Variants in SIPA1L3 observed in about 807,000 individuals in gnomAD.
SIPA1L3 encodes signal induced proliferation associated 1 like 3.
In SIPA1L3, 59 loss-of-function variants were observed where a neutral mutation model predicts 150.1. That is an observed-to-expected ratio of 0.39 (90% CI 0.32 to 0.49). The LOEUF is 0.49. Among genes scored for constraint, SIPA1L3 ranks in the 20% least tolerant of loss-of-function variants. The pLI is 0.86. For missense variants in SIPA1L3, 2,211 were observed against 2,489.5 expected (o/e 0.89, Z 2.38); for synonymous variants, 1,070 against 1,077.6 (o/e 0.99, Z 0.14).
At chr19:37,999,001 A>C (rs745526039) in intron 1 of SIPA1L3, among the ~76,000 whole-genome samples, 8 of 151,538 alleles carry the variant, frequency 5.3e-5, no homozygotes, top group Non-Finnish European at 8.8e-5. Flanking sequence ...ACACACACAC[A>C]CACACACACA....
At chr19:37,991,317 G>A (rs1456572255) in intron 1 of SIPA1L3, among the ~76,000 whole-genome samples, 1 of 152,256 alleles carries the variant, frequency 6.6e-6, no homozygotes, top group Non-Finnish European at 1.5e-5. Flanking sequence ...CAGGCCATCT[G>A]GCTTCCAATT....
chr19:38,088,904 C>G, intron 4 of SIPA1L3, 53 bp downstream of exon 4: 1 of 1,593,688 alleles, frequency 6.3e-7, no homozygotes, highest in Non-Finnish European at 8.6e-7. Flanking sequence ...ACTCACATCT[C>G]GAGCCAGGTT....
At chr19:37,989,840 G>C (rs1254413794) in intron 1 of SIPA1L3, among the ~76,000 whole-genome samples, 6 of 151,910 alleles carry the variant, frequency 3.9e-5, no homozygotes, top group Non-Finnish European at 7.4e-5. Flanking sequence ...TGGCTAGGAT[G>C]AATTCTTTAA....
intron 1 of SIPA1L3, among the ~76,000 whole-genome samples, chr19:38,014,859 C>T (rs868808888): frequency 9.9e-5 from 15 of 151,932 alleles, no homozygotes; most frequent in Middle Eastern, 3.4e-3. Flanking sequence ...GTAGTAGAGA[C>T]GGGGTTTCAC....
chr19:38,104,806 G>A (rs1970584165), intron 6 of SIPA1L3, among the ~76,000 whole-genome samples: 1 of 147,842 alleles, frequency 6.8e-6, no homozygotes, highest in Non-Finnish European at 1.5e-5. Context: ...CCTGACCTCA[G>A]GTGATCCACC....
rs1970016472 is a variant in SIPA1L3 at position 38,082,440 on chromosome 19, G to A, written c.875G>A (p.Gly292Asp). The A allele has an allele frequency of 6.3e-7, 1 of 1,591,148 alleles. No individual in the cohort carries two copies. Among genetic ancestry groups the A allele is most frequent in the South Asian group, 1.1e-5 (1 of 89,160 alleles). Residue 292 changes from glycine to aspartate, a missense_variant, in exon 3 of 22, where the codon GGC becomes GAC. Transcript: ENST00000222345. ...KARKKPARGL[G>D]GGDTVDSSIF... ...CGGAAGAAACCTGCGCGGGGCCTCG[G>A]CGGCGGGGACACGGTGGACTCGTCC...
chr19:38,089,303 G>T (rs1970209655), intron 4 of SIPA1L3, among the ~76,000 whole-genome samples: 1 of 145,600 alleles, frequency 6.9e-6, no homozygotes, highest in Admixed American at 6.9e-5. Context: ...GCCAGCCTGG[G>T]TGACAGAGTG....
chr19:37,982,052 C>T (rs895632112), intron 1 of SIPA1L3, among the ~76,000 whole-genome samples: 6 of 152,270 alleles, frequency 3.9e-5, no homozygotes, highest in Middle Eastern at 3.4e-3. Flanking sequence ...AGAAGTCACC[C>T]GTGATATGTG....
At chr19:38,188,867 G>C (rs1446612110) in intron 16 of SIPA1L3, among the ~76,000 whole-genome samples, 6 of 151,328 alleles carry the variant, frequency 4.0e-5, no homozygotes, top group Non-Finnish European at 7.4e-5. Context: ...AGCTTGCAGT[G>C]AGCCAAGATT....
At chr19:38,185,816 G>C (rs1462493328) in intron 16 of SIPA1L3, 1 of 152,150 alleles carries the variant, frequency 6.6e-6, no homozygotes, top group Non-Finnish European at 1.5e-5. Context: ...TCACTTGATT[G>C]CCTCTGTAAA....
intron 2 of SIPA1L3, among the ~76,000 whole-genome samples, chr19:38,077,003 GGAAGAAGGAGGATCT>G (rs1244591083): frequency 6.6e-6 from 1 of 152,184 alleles, no homozygotes; most frequent in Admixed American, 6.6e-5. Context: ...TAAAGCAAAA[GGAAGAAGGAGGATCT>G]CAAGCTGGGG....
At chr19:38,033,086 C>T (rs1400384958) in intron 2 of SIPA1L3, among the ~76,000 whole-genome samples, 1 of 152,222 alleles carries the variant, frequency 6.6e-6, no homozygotes, top group Non-Finnish European at 1.5e-5. Context: ...GTCAAATCAT[C>T]TCCCTTCTGA....
chr19:38,033,300 GTTTATTT>G (rs1968694346), intron 2 of SIPA1L3, among the ~76,000 whole-genome samples: 1 of 152,166 alleles, frequency 6.6e-6, no homozygotes, highest in Non-Finnish European at 1.5e-5. Flanking sequence ...TTTTCATTGT[GTTTATTT>G]TTTAAGTTTG....
Position 38,081,335 on chromosome 19 carries a change from C to T in SIPA1L3, c.-231C>T, listed in dbSNP as rs113113477. 281 of 506,112 alleles carry T rather than the reference C, an allele frequency of 5.6e-4. 2 individuals carry two copies. The highest frequency in any genetic ancestry group is 4.8e-3 in the African/African-American group (255 of 52,874). The allele number at this position is 506,112 out of a possible 1,614,324, so 31.4% of individuals were successfully genotyped here. On this transcript the variant is annotated 5_prime_UTR_variant, in exon 3 of 22. Transcript: ENST00000222345. Reference sequence around the variant, plus strand: ...GCCTGCTCTGCGCTACTGAGCCACTCGGTCTGGAGCCCCCAGGACAGCACC... The same window carrying T: ...GCCTGCTCTGCGCTACTGAGCCACTTGGTCTGGAGCCCCCAGGACAGCACC...
intron 1 of SIPA1L3, among the ~76,000 whole-genome samples, chr19:38,004,795 CACATGCCACTGT>C (rs893185063): frequency 3.3e-5 from 5 of 152,192 alleles, no homozygotes; most frequent in African/African-American, 1.2e-4. Context: ...AACCAGGACA[CACATGCCACTGT>C]ATCTGCATTC....
At chr19:38,001,580 C>G (rs1300945858) in intron 1 of SIPA1L3, among the ~76,000 whole-genome samples, 1 of 152,104 alleles carries the variant, frequency 6.6e-6, no homozygotes, top group Non-Finnish European at 1.5e-5. Flanking sequence ...CATGTGCCAC[C>G]ATGCCTGGTT....
intron 1 of SIPA1L3, among the ~76,000 whole-genome samples, chr19:37,940,092 C>G (rs975437582): frequency 2.6e-5 from 4 of 152,104 alleles, no homozygotes; most frequent in Non-Finnish European, 5.9e-5. Context: ...AAGTCAGTTA[C>G]TTAGTGCGTC....
At chr19:37,910,446 AG>A (rs2046368294) in intron 1 of SIPA1L3, among the ~76,000 whole-genome samples, 1 of 151,444 alleles carries the variant, frequency 6.6e-6, no homozygotes, top group Non-Finnish European at 1.5e-5. Flanking sequence ...CTCTAGTCCC[AG>A]CTACCCGGGA....
intron 15 of SIPA1L3, among the ~76,000 whole-genome samples, chr19:38,171,789 C>T (rs1030147081): frequency 2.0e-5 from 3 of 152,006 alleles, no homozygotes; most frequent in Non-Finnish European, 2.9e-5. Flanking sequence ...CCTGGAAGTT[C>T]GAGACAGCAG....
Sources: allele counts gnomAD v4.1 joint callset (sites outside exome capture counted in the v4.1 genomes callset), GRCh38; gene constraint gnomAD v4.1.1; transcripts MANE v1.5; gene names NCBI Gene and HGNC (gene_info 2026-07-23, HGNC 2026-07-21).